LSG1: variants seen among roughly 807,000 people sequenced by gnomAD.
The protein encoded by LSG1 is large subunit GTPase 1 homolog.
LSG1 carries 55 observed loss-of-function variants against 82.6 expected under a neutral mutation model. That is an observed-to-expected ratio of 0.67 (90% CI 0.54 to 0.83). LSG1 has a LOEUF of 0.83. Ranked by LOEUF, LSG1 falls within the 40% of genes least tolerant of loss-of-function variation. The pLI, the probability that LSG1 is intolerant of heterozygous loss-of-function variation, is 0.00. For missense variants in LSG1, 809 were observed against 807.9 expected (o/e 1.00, Z -0.02); for synonymous variants, 272 against 282.5 (o/e 0.96, Z 0.37).
At chr3:194,666,401 A>C in intron 3 of LSG1, 51 bp downstream of exon 3, 1 of 1,606,292 alleles carries the variant, frequency 6.2e-7, no homozygotes, top group African/African-American at 1.3e-5. Context: ...AAAAATGAAT[A>C]CTCAGCAGCC....
chr3:194,647,152 T>G (rs1337087910), intron 11 of LSG1, among the ~76,000 whole-genome samples: 1 of 152,180 alleles, frequency 6.6e-6, no homozygotes, highest in Non-Finnish European at 1.5e-5. Flanking sequence ...AAAATCTAAA[T>G]GTTAAAAAAG....
intron 7 of LSG1, among the ~76,000 whole-genome samples, chr3:194,658,712 A>T (rs1296607777): frequency 6.6e-6 from 1 of 152,164 alleles, no homozygotes; most frequent in Admixed American, 6.5e-5. Flanking sequence ...ACAACCTTTT[A>T]AAAAAATTTA....
At chr3:194,657,106 A>G (rs1718806357) in intron 7 of LSG1, among the ~76,000 whole-genome samples, 1 of 151,940 alleles carries the variant, frequency 6.6e-6, no homozygotes, top group Non-Finnish European at 1.5e-5. Flanking sequence ...TACGTAACAA[A>G]CCTGCACATT....
chr3:194,668,771 T>C (rs187679492), intron 2 of LSG1, among the ~76,000 whole-genome samples: 56 of 152,314 alleles, frequency 3.7e-4, no homozygotes, highest in Admixed American at 5.9e-4. Flanking sequence ...TGCAGCGCTA[T>C]TCACAAGAGC....
chr3:194,667,161 C>T (rs1351760474), intron 2 of LSG1, among the ~76,000 whole-genome samples: 3 of 152,076 alleles, frequency 2.0e-5, no homozygotes, highest in Non-Finnish European at 4.4e-5. Context: ...AACAATTCTC[C>T]CAACTCAGCC....
In LSG1 at chr3:194,660,153, T is replaced by C. The variant is rs760461180; in HGVS notation, c.522-20A>G. On this transcript the variant is annotated intron_variant, in intron 5 of 13. Transcript: ENST00000265245. ...ATATCACTGAAAAACAAACACGAGA[T>C]AGACCAATCACCGTGAAGTGAAAGG... The C allele has an allele frequency of 1.0e-5, 16 of 1,604,176 alleles. No homozygotes were observed. The highest frequency in any genetic ancestry group is 6.7e-5 in the African/African-American group (5 of 74,832).
chr3:194,642,084 T>C lies in LSG1; in HGVS notation c.1961A>G (p.Lys654Arg), dbSNP rs778731590. The change falls in exon 14 of 14, where the codon AAG becomes AGG. Residue 654 changes from lysine to arginine, a missense_variant. Physicochemically the swap from Lys to Arg is conservative, Grantham distance 26. Transcript: ENST00000265245. ...NKKEKSRRLY[K>R]HLDM ...AGCCCAACCTCACATATCCAGGTGC[T>C]TGTAGAGTCTACGACTTTTTTCTTT... 2.9e-5 allele frequency: 47 copies of C among 1,612,682 alleles called. 1 individual carries two copies. In the South Asian group the frequency reaches 4.2e-4, roughly 14 times the overall value.
At chr3:194,660,655 G>A in intron 5 of LSG1, 1 of 309,914 alleles carries the variant, frequency 3.2e-6, no homozygotes, top group Non-Finnish European at 6.5e-6. Flanking sequence ...GAATAAGAAG[G>A]AAGAAAGCAT....
chr3:194,653,723 T>C (rs1461036130), intron 7 of LSG1, among the ~76,000 whole-genome samples: 1 of 152,172 alleles, frequency 6.6e-6, no homozygotes, highest in Non-Finnish European at 1.5e-5. Context: ...ACAAAGAACA[T>C]GTATTACTTT....
intron 7 of LSG1, among the ~76,000 whole-genome samples, chr3:194,654,095 T>G (rs956717464): frequency 2.6e-5 from 4 of 152,228 alleles, no homozygotes; most frequent in Admixed American, 1.3e-4. Flanking sequence ...ACATTTGTAT[T>G]TTTAAAGACG....
Position 194,642,203 on chromosome 3 carries a change from A to G in LSG1, c.1842T>C (p.Gly614=), listed in dbSNP as rs1718411906. Residue 614 remains glycine (G), a synonymous_variant, in exon 14 of 14, where the codon GGT becomes GGC. Transcript: ENST00000265245. ...ALTKGVQAVM[G]YKPGSGVVTA... ...TCACTACACCACTCCCGGGCTTGTAACCCATCACAGCCTGGACTCCTTTGG... is the reference window on the plus strand; with the variant it reads ...TCACTACACCACTCCCGGGCTTGTAGCCCATCACAGCCTGGACTCCTTTGG... The G allele has an allele frequency of 6.2e-7, 1 of 1,614,016 alleles. No homozygotes were observed. Among genetic ancestry groups the G allele is most frequent in the Non-Finnish European group, 8.5e-7 (1 of 1,179,984 alleles).
Position 194,661,881 on chromosome 3 carries a change from T to C in LSG1, c.522-1748A>G, listed in dbSNP as rs553273052. On this transcript the variant is annotated intron_variant, in intron 5 of 13. Transcript: ENST00000265245. ...ATAATACTGTAATCCAAGCTGAAGC[T>C]AGAAGTTTCAACATGTACAGGCTCA... Among the ~76,000 whole-genome samples the C allele has an allele frequency of 3.9e-5, 6 of 152,308 alleles. No homozygotes were observed. The South Asian group carries it at 1.2e-3, about 32-fold the overall frequency.
At chr3:194,646,750 A>G (rs1164121859) in intron 11 of LSG1, among the ~76,000 whole-genome samples, 1 of 152,182 alleles carries the variant, frequency 6.6e-6, no homozygotes, top group Non-Finnish European at 1.5e-5. Flanking sequence ...TGAACTCCTG[A>G]CCTCAGGTGA....
At chr3:194,645,537 C>CACACACACACACACACACAG (rs1718515866) in intron 12 of LSG1, 1 of 27,256 alleles carries the variant, frequency 3.7e-5, no homozygotes, top group Non-Finnish European at 8.1e-5. Flanking sequence ...CACAGACAGA[C>CACACACACACACACACACAG]ACACACACAC....
rs1011010392 is a variant in LSG1, at chr3:194,653,520, A to AG, written c.760-379_760-378insC. ...ACAGACAAGGCTCTGTCTCACAAAA[A>AG]AAAAAAAAAGATGAACAGGGGACAA... On this transcript the variant is annotated intron_variant, in intron 7 of 13. Transcript: ENST00000265245. Among the ~76,000 whole-genome samples the AG allele has an allele frequency of 8.6e-5, 13 of 151,790 alleles. No individual in the cohort carries two copies. In the East Asian group the frequency reaches 2.5e-3, roughly 29 times the overall value.
intron 2 of LSG1, among the ~76,000 whole-genome samples, chr3:194,668,998 C>A (rs1719087561): frequency 6.6e-6 from 1 of 152,032 alleles, no homozygotes; most frequent in Non-Finnish European, 1.5e-5. Context: ...AAGCCGAGCT[C>A]ATAGAAGCAG....
intron 7 of LSG1, among the ~76,000 whole-genome samples, chr3:194,658,023 A>G (rs1718840868): frequency 6.6e-6 from 1 of 152,286 alleles, no homozygotes; most frequent in Admixed American, 6.5e-5. Flanking sequence ...CCAGCTCAAC[A>G]CACACTCCAC....
chr3:194,647,588 T>C (rs536177422), intron 11 of LSG1, among the ~76,000 whole-genome samples: 2 of 152,382 alleles, frequency 1.3e-5, no homozygotes, highest in African/African-American at 4.8e-5. Context: ...ACAAACTGGC[T>C]TTTTCCTTAC....
Position 194,666,492 on chromosome 3 carries a change from GCTT to G in LSG1, c.304_306del (p.Lys102del). The G allele has an allele frequency of 2.5e-6, 4 of 1,614,046 alleles. No individual in the cohort carries two copies. Among genetic ancestry groups the G allele is most frequent in the South Asian group, 1.1e-5 (1 of 91,086 alleles). ...AAGAACTGTTTGTTTTCTTCATGGA[GCTT>G]CTTAATTCTCTGGCTCTCCTCGAAA... is the stretch of plus-strand genomic sequence containing the variant. On this transcript the variant is annotated inframe_deletion, in exon 3 of 14. Coordinates refer to ENST00000265245, the MANE Select transcript of LSG1 (RefSeq NM_018385.3).
Sources: gnomAD v4.1 joint callset for allele counts (sites outside exome capture counted in the v4.1 genomes callset) on GRCh38, gnomAD v4.1.1 for gene constraint, MANE v1.5 for transcripts, NCBI Gene and HGNC (gene_info 2026-07-23, HGNC 2026-07-21) for gene names.